The following ANKRD13C variants were observed in gnomAD, a reference collection of about 807,000 sequenced individuals.
ANKRD13C encodes ankyrin repeat domain 13C.
Under a neutral mutation model 65.5 loss-of-function variants are expected in ANKRD13C, and 16 were observed. The ratio of observed to expected loss-of-function variants is 0.24; its 90% confidence interval spans 0.17 to 0.37. ANKRD13C has a LOEUF of 0.37. ANKRD13C is among the 10% of genes least tolerant of loss of function. The pLI is 1.00. For synonymous variants in ANKRD13C, 235 were observed against 238.7 expected (o/e 0.98, Z 0.14); for missense variants, 503 against 655.9 (o/e 0.77, Z 2.55).
chr1:70,289,914 G>C (rs1679788063), intron 9 of ANKRD13C, among the ~76,000 whole-genome samples: 1 of 152,164 alleles, frequency 6.6e-6, no homozygotes, highest in Non-Finnish European at 1.5e-5. Flanking sequence ...AATGGGAGAA[G>C]ACAGCAGCCC....
intron 2 of ANKRD13C, among the ~76,000 whole-genome samples, chr1:70,328,097 TA>T (rs1013636319): frequency 4.6e-5 from 7 of 151,904 alleles, no homozygotes; most frequent in African/African-American, 1.7e-4. Flanking sequence ...TTTATATATA[TA>T]AAACATAAAA....
chr1:70,306,327 C>A, intron 5 of ANKRD13C, 37 bp from the exon 6 acceptor site: 2 of 1,361,324 alleles, frequency 1.5e-6, no homozygotes, highest in South Asian at 1.5e-5. Context: ...AAATAACTAC[C>A]TAAATTTTGA....
At chr1:70,280,831 T>C (rs918812045) in intron 9 of ANKRD13C, among the ~76,000 whole-genome samples, 19 of 152,160 alleles carry the variant, frequency 1.2e-4, no homozygotes, top group African/African-American at 2.4e-4. Flanking sequence ...GTGATTACTC[T>C]GGTGGCAGTG....
intron 2 of ANKRD13C, among the ~76,000 whole-genome samples, chr1:70,328,338 C>T (rs1681638213): frequency 6.6e-6 from 1 of 152,074 alleles, no homozygotes; most frequent in South Asian, 2.1e-4. Context: ...CTGCTCAACA[C>T]AGAAGTATAT....
Position 70,292,502 on chromosome 1 carries a change from A to T in ANKRD13C, c.1101T>A (p.Leu367=), listed in dbSNP as rs1442968472. Residue 367 remains leucine, a synonymous_variant, in exon 9 of 13, where the codon CTT becomes CTA. Transcript: ENST00000370944. ...FLADFYLVNG[L]VLESRKRREH... is the part of the protein sequence containing the mutation. ...CTCTTCTTTTCCTTGATTCTAAAAC[A>T]AGTCCATTCACCAGGTAAAAGTCTG... 1 of 1,607,492 alleles carries T rather than the reference A, an allele frequency of 6.2e-7. No homozygotes were observed. Among genetic ancestry groups the T allele is most frequent in the Admixed American group, 1.7e-5 (1 of 58,228 alleles).
intron 6 of ANKRD13C, among the ~76,000 whole-genome samples, chr1:70,302,141 A>C (rs1333436385): frequency 1.3e-5 from 2 of 152,194 alleles, no homozygotes; most frequent in Non-Finnish European, 2.9e-5. Context: ...AATAATAACT[A>C]GGGTTACATA....
In ANKRD13C at chr1:70,270,835, A is replaced by G. The variant is rs767831714; in HGVS notation, c.1495+21T>C. 3 of 1,492,494 alleles carry G rather than the reference A, an allele frequency of 2.0e-6. No homozygotes were observed. The Admixed American group carries it at 5.3e-5, about 26-fold the overall frequency. 92.5% of individuals were successfully genotyped at this position (1,492,494 alleles called of 1,614,324 possible). A position where few individuals can be genotyped will look rare whatever the true frequency, so the allele number is the denominator to read the frequency against. On this transcript the variant is annotated intron_variant, in intron 12 of 12. Coordinates refer to ENST00000370944, the MANE Select transcript of ANKRD13C (RefSeq NM_030816.5). ...CATATTCCTAATGGACACTAAAATT[A>G]TATCTAATTTTTTCTCTTACCTAAT... is the stretch of plus-strand genomic sequence containing the variant.
At chr1:70,306,627 TAAC>T (rs1680597649) in intron 5 of ANKRD13C, among the ~76,000 whole-genome samples, 1 of 152,114 alleles carries the variant, frequency 6.6e-6, no homozygotes, top group Non-Finnish European at 1.5e-5. Context: ...CCTGAATGGG[TAAC>T]CAGATAGACC....
At chr1:70,283,217 C>CA (rs1679472490) in intron 9 of ANKRD13C, among the ~76,000 whole-genome samples, 1 of 152,110 alleles carries the variant, frequency 6.6e-6, no homozygotes, top group African/African-American at 2.4e-5. Flanking sequence ...CTGAATCCTT[C>CA]AGTGCCTCCT....
Position 70,354,217 on chromosome 1 carries a change from C to T in ANKRD13C, c.192G>A (p.Lys64=), listed in dbSNP as rs1249762170. The T allele has an allele frequency of 6.2e-7, 1 of 1,613,626 alleles. No homozygotes were observed. Among genetic ancestry groups the T allele is most frequent in the Non-Finnish European group, 8.5e-7 (1 of 1,180,030 alleles). The change falls in exon 1 of 13, where the codon AAG becomes AAA. Residue 64 remains lysine, a synonymous_variant. Coordinates refer to ENST00000370944, the MANE Select transcript of ANKRD13C (RefSeq NM_030816.5). ...GGGGATTGGAGGAGGCCGGAGCTGC[C>T]TTCAGCTGTAGCCGGTGGTGATGGT... ...FSNHHHRLQL[K]AAPASSNPPG...
intron 9 of ANKRD13C, among the ~76,000 whole-genome samples, chr1:70,282,658 G>A (rs1272031546): frequency 2.0e-5 from 3 of 152,186 alleles, no homozygotes. Flanking sequence ...AGGCTTAAAA[G>A]CTAGTTAATG....
intron 1 of ANKRD13C, among the ~76,000 whole-genome samples, chr1:70,352,921 C>A: frequency 6.6e-6 from 1 of 151,996 alleles, no homozygotes; most frequent in Non-Finnish European, 1.5e-5. Flanking sequence ...AAATCTTACT[C>A]GTTTTTTTTA....
At chr1:70,344,241 G>A (rs1682431465) in intron 1 of ANKRD13C, among the ~76,000 whole-genome samples, 1 of 145,156 alleles carries the variant, frequency 6.9e-6, no homozygotes, top group South Asian at 2.2e-4. Context: ...AGGTTGCAGT[G>A]AGCCGAGATC....
intron 12 of ANKRD13C, among the ~76,000 whole-genome samples, chr1:70,264,752 G>A (rs956294751): frequency 6.6e-6 from 1 of 151,998 alleles, no homozygotes; most frequent in Non-Finnish European, 1.5e-5. Flanking sequence ...ACACTGGTTG[G>A]GAGGGTCAGA....
intron 1 of ANKRD13C, among the ~76,000 whole-genome samples, chr1:70,350,414 G>A (rs540956334): frequency 6.6e-6 from 1 of 152,288 alleles, no homozygotes; most frequent in East Asian, 1.9e-4. Flanking sequence ...AATGTGATGA[G>A]GAATGGATAC....
chr1:70,337,441 G>A (rs1040743868), intron 1 of ANKRD13C, among the ~76,000 whole-genome samples: 5 of 151,906 alleles, frequency 3.3e-5, no homozygotes, highest in East Asian at 3.9e-4. Flanking sequence ...TTAACCAGGC[G>A]TGGTGGCACC....
intron 9 of ANKRD13C, among the ~76,000 whole-genome samples, chr1:70,280,743 T>C (rs192032082): frequency 2.0e-5 from 3 of 152,314 alleles, no homozygotes; most frequent in Admixed American, 2.0e-4. Flanking sequence ...GTGCTTAAAA[T>C]AGTGCCTCAC....
chr1:70,275,668 A>G (rs2101138930), intron 10 of ANKRD13C, among the ~76,000 whole-genome samples: 1 of 152,244 alleles, frequency 6.6e-6, no homozygotes, highest in South Asian at 2.1e-4. Context: ...GTTTAGCACC[A>G]TAAAATATTA....
rs183611287 is a variant in ANKRD13C at position 70,328,797 on chromosome 1, C to A, written c.473-3840G>T. ...ATCCAGCAGGTTTTAACATGCATTA[C>A]CATATTTATTGGGAAGGGGATTAGT... On this transcript the variant is annotated intron_variant, in intron 2 of 12. Coordinates refer to ENST00000370944, the MANE Select transcript of ANKRD13C (RefSeq NM_030816.5). Among the ~76,000 whole-genome samples the A allele has an allele frequency of 5.3e-5, 8 of 152,066 alleles. No individual in the cohort carries two copies. The East Asian group carries it at 1.5e-3, about 29-fold the overall frequency.
Sources: allele counts gnomAD v4.1 joint callset (sites outside exome capture counted in the v4.1 genomes callset), GRCh38; gene constraint gnomAD v4.1.1; transcripts MANE v1.5; gene names NCBI Gene and HGNC (gene_info 2026-07-23, HGNC 2026-07-21).